THOC1: variants seen among roughly 807,000 people sequenced by gnomAD.
THOC1 encodes the protein THO complex 1.
A neutral mutation model predicts 97.3 loss-of-function variants in THOC1; 29 were observed. The observed-to-expected ratio is 0.30, with a 90% confidence interval of 0.22 to 0.41. The LOEUF is 0.41. THOC1 is among the 10% of genes least tolerant of loss of function. The pLI is 1.00. For synonymous variants in THOC1, 255 were observed against 257.0 expected, an observed-to-expected ratio of 0.99 and a Z score of 0.07; for missense variants, 529 against 761.9, an observed-to-expected ratio of 0.69 and a Z score of 3.60.
intron 4 of THOC1, among the ~76,000 whole-genome samples, chr18:262,478 C>T (rs933871664): frequency 2.0e-5 from 3 of 152,192 alleles, no homozygotes; most frequent in African/African-American, 7.2e-5. Context: ...ACAGTTTAAG[C>T]TCTTAAGTCC....
intron 7 of THOC1, among the ~76,000 whole-genome samples, chr18:258,137 A>C (rs1422959425): frequency 2.0e-5 from 3 of 152,284 alleles, no homozygotes; most frequent in East Asian, 3.9e-4. Context: ...ATTATCTTCA[A>C]GAAGTGAGAC....
intron 9 of THOC1, among the ~76,000 whole-genome samples, chr18:252,236 A>G (rs1292270509): frequency 1.3e-5 from 2 of 152,164 alleles, no homozygotes; most frequent in South Asian, 2.1e-4. Flanking sequence ...TGGGTCCACA[A>G]GTTTAATGGA....
chr18:218,831 TAAGG>T, intron 18 of THOC1, 51 bp downstream of exon 18: 2 of 1,451,870 alleles, frequency 1.4e-6, no homozygotes, highest in Admixed American at 2.0e-5. Context: ...ACACAATTCC[TAAGG>T]AAGAAACAAA....
chr18:250,613 A>G (rs376934183), intron 9 of THOC1, among the ~76,000 whole-genome samples: 1 of 152,364 alleles, frequency 6.6e-6, no homozygotes, highest in East Asian at 1.9e-4. Flanking sequence ...GCCAAATCTG[A>G]AATGGACTTC....
At chr18:239,047 T>A (rs1464577383) in intron 11 of THOC1, among the ~76,000 whole-genome samples, 2 of 152,196 alleles carry the variant, frequency 1.3e-5, no homozygotes, top group African/African-American at 4.8e-5. Context: ...ACCTCTATTA[T>A]TAACTCAGGA....
intron 1 of THOC1, among the ~76,000 whole-genome samples, chr18:267,218 C>T (rs974447139): frequency 3.3e-5 from 5 of 152,058 alleles, no homozygotes; most frequent in African/African-American, 1.2e-4. Flanking sequence ...GTTGCTGTGA[C>T]GAGCAACATA....
At chr18:215,269 GTTA>G (rs1910835896) in intron 20 of THOC1, among the ~76,000 whole-genome samples, 157 bp downstream of exon 20, 1 of 152,154 alleles carries the variant, frequency 6.6e-6, no homozygotes, top group Non-Finnish European at 1.5e-5. Context: ...TGTTTTTAAA[GTTA>G]TTATTAAGCA....
chr18:219,001 G>C, intron 17 of THOC1, 32 bp from the exon 18 acceptor site: 1 of 1,324,344 alleles, frequency 7.6e-7, no homozygotes, highest in Non-Finnish European at 1.0e-6. Flanking sequence ...AGTGAGGATG[G>C]CATATATTCT....
At chr18:227,886 C>G (rs1365248481) in intron 11 of THOC1, among the ~76,000 whole-genome samples, 1 of 152,070 alleles carries the variant, frequency 6.6e-6, no homozygotes, top group Non-Finnish European at 1.5e-5. Flanking sequence ...CTAATGCTAC[C>G]TAACACGCAC....
intron 13 of THOC1, 96 bp from the exon 14 acceptor site, chr18:225,235 C>T (rs1911240230): frequency 2.6e-6 from 4 of 1,532,870 alleles, no homozygotes; most frequent in Non-Finnish European, 3.6e-6. Flanking sequence ...TGGTCTTGTA[C>T]CTGAGCTTAA....
chr18:246,942 A>G (rs1481859913), intron 10 of THOC1, among the ~76,000 whole-genome samples: 2 of 151,648 alleles, frequency 1.3e-5, no homozygotes, highest in African/African-American at 4.8e-5. Flanking sequence ...AAAAACGAAG[A>G]AATATGATTT....
At chr18:251,054 T>C (rs1034646153) in intron 9 of THOC1, among the ~76,000 whole-genome samples, 4 of 152,220 alleles carry the variant, frequency 2.6e-5, no homozygotes, top group Admixed American at 2.6e-4. Context: ...ATAGACAATA[T>C]TCTAAGTGCT....
At chr18:248,852 G>A (rs1912181391) in intron 9 of THOC1, among the ~76,000 whole-genome samples, 1 of 152,042 alleles carries the variant, frequency 6.6e-6, no homozygotes, top group South Asian at 2.1e-4. Context: ...CCGGGTTCAA[G>A]CGATTCTCCT....
Position 268,008 on chromosome 18 carries a change from C to G in THOC1, c.12G>C (p.Thr4=). The change falls in exon 1 of 21, where the codon ACG becomes ACC. Residue 4 remains threonine, a synonymous_variant. Transcript: ENST00000261600. MSP[T]PPLFSLPEAR... is the part of the protein sequence containing the mutation. ...CTTCGGGCAAACTGAAGAGCGGCGG[C>G]GTCGGAGACATCTTCTCGGCTGCGC... 6.2e-7 allele frequency: 1 copy of G among 1,607,242 alleles called. No homozygotes were observed. The highest frequency in any genetic ancestry group is 2.2e-5 in the East Asian group (1 of 44,630).
intron 4 of THOC1, 102 bp downstream of exon 4, chr18:263,924 A>C (rs1271480714): frequency 2.2e-6 from 2 of 906,606 alleles, no homozygotes; most frequent in Non-Finnish European, 3.3e-6. Context: ...TTGAAGAATA[A>C]ACAAAATCAG....
intron 1 of THOC1, among the ~76,000 whole-genome samples, chr18:266,304 G>C (rs1912765653): frequency 6.6e-6 from 1 of 152,108 alleles, no homozygotes; most frequent in Non-Finnish European, 1.5e-5. Context: ...AGTAATTTGG[G>C]GCCTGTTCCT....
chr18:239,453 T>C (rs1044025203), intron 11 of THOC1, among the ~76,000 whole-genome samples: 3 of 152,096 alleles, frequency 2.0e-5, no homozygotes, highest in African/African-American at 7.2e-5. Context: ...CATAGGCACC[T>C]GCCACCACGC....
At chr18:248,536 A>T (rs1912169423) in intron 9 of THOC1, among the ~76,000 whole-genome samples, 2 of 152,212 alleles carry the variant, frequency 1.3e-5, no homozygotes, top group Admixed American at 6.5e-5. Flanking sequence ...GTTTAAACCA[A>T]TGTTAATCTG....
intron 20 of THOC1, 140 bp from the exon 21 acceptor site, chr18:215,061 T>A: frequency 1.3e-6 from 1 of 748,118 alleles, no homozygotes; most frequent in Non-Finnish European, 2.1e-6. Flanking sequence ...ATATTCTCCG[T>A]AAGTTGAATA....
Sources: allele counts gnomAD v4.1 joint callset (sites outside exome capture counted in the v4.1 genomes callset), GRCh38; gene constraint gnomAD v4.1.1; transcripts MANE v1.5; gene names NCBI Gene and HGNC (gene_info 2026-07-23, HGNC 2026-07-21).